COL16A1: variants seen among roughly 807,000 people sequenced by gnomAD.
COL16A1 encodes collagen type XVI alpha 1 chain.
COL16A1 carries 189 observed loss-of-function variants against 266.3 expected under a neutral mutation model. The ratio of observed to expected loss-of-function variants is 0.71; its 90% CI spans 0.63 to 0.80. The LOEUF (loss-of-function observed/expected upper bound fraction) is 0.80. Among genes scored for constraint, COL16A1 ranks in the 30% least tolerant of loss-of-function variants. The probability of loss-of-function intolerance (pLI) is 0.00; values close to 1 mark genes in which losing one functional copy is unlikely to be tolerated. For missense variants in COL16A1, 1,928 were observed against 2,122.4 expected (o/e 0.91, Z 1.80); for synonymous variants, 740 against 782.3 (o/e 0.95, Z 0.90).
At position 31,657,005 on chromosome 1, in the gene COL16A1, G is replaced by A. The variant is rs1191359103; in HGVS notation, c.4056+28C>T. ...GCGAGGAGCAAGAAGCACCCCCAAG[G>A]AAACAGAGAAGACCAGTACAACTGT... On this transcript the variant is annotated intron_variant, in intron 65 of 70. Coordinates refer to ENST00000373672, the MANE Select transcript of COL16A1 (RefSeq NM_001856.4). The surrounding 1 kb of genome is among the most constrained non-coding windows in gnomAD (Gnocchi z 6.4). 1 of 1,613,956 alleles carries A rather than the reference G, an allele frequency of 6.2e-7. No individual in the cohort carries two copies. Among genetic ancestry groups the A allele is most frequent in the East Asian group, 2.2e-5 (1 of 44,884 alleles).
intron 42 of COL16A1, among the ~76,000 whole-genome samples, chr1:31,675,797 A>G (rs1318909750): frequency 6.6e-6 from 1 of 152,092 alleles, no homozygotes; most frequent in Non-Finnish European, 1.5e-5. Flanking sequence ...AGTAGCTGGG[A>G]CTAGAGGCGC....
rs377375082 is a variant in COL16A1 at position 31,688,490 on chromosome 1, C to T, written c.1780G>A (p.Val594Ile). The T allele has an allele frequency of 1.2e-5, 20 of 1,613,962 alleles. No homozygotes were observed. Among genetic ancestry groups the T allele is most frequent in the Non-Finnish European group, 1.6e-5 (19 of 1,180,010 alleles). The stretch of plus-strand genomic sequence containing the variant: ...ACCTTCTCTCCTTTCAGCCCTGGAA[C>T]CCCAGCTCTACCCTGAAAAACAACC... ...GLPGLPGRAG[V>I]PGLKGEKGNF... is the part of the protein sequence containing the mutation. Residue 594 changes from valine (V) to isoleucine (I), a missense_variant, in exon 26 of 71, where the codon GTT (valine) becomes ATT (isoleucine). Physicochemically the swap from Val to Ile is conservative, Grantham distance 29. This residue lies in a region of COL16A1 where 1,552 missense variants were observed against 1,637.2 expected (regional missense o/e 0.95). Transcript: ENST00000373672. The surrounding 1 kb of genome is among the most constrained non-coding windows in gnomAD (Gnocchi z 4.9).
Position 31,668,324 on chromosome 1 carries a change from A to T in COL16A1, c.3250-106T>A, listed in dbSNP as rs988715024. ...AAAACCTCTGGGGCTGCCATCTAGCAGGTGCCAGCCTGCCCCAGCATTGCA... is the reference window on the plus strand; with the variant it reads ...AAAACCTCTGGGGCTGCCATCTAGCTGGTGCCAGCCTGCCCCAGCATTGCA... On this transcript the variant is annotated intron_variant, in intron 50 of 70. Transcript: ENST00000373672. The surrounding 1 kb of genome is among the most constrained non-coding windows in gnomAD (Gnocchi z 5.8). The T allele has an allele frequency of 4.9e-6, 6 of 1,231,700 alleles. No individual in the cohort carries two copies. In the Admixed American group the frequency reaches 1.1e-4, roughly 23 times the overall value. 76.3% of individuals were successfully genotyped at this position (1,231,700 alleles called of 1,614,324 possible). A position where few individuals can be genotyped will look rare whatever the true frequency, so the allele number is the denominator to read the frequency against.
In COL16A1 at chr1:31,702,198, G is replaced by C; in HGVS notation, c.-5C>G. 6.2e-7 allele frequency: 1 copy of C among 1,614,066 alleles called. No homozygotes were observed. The highest frequency in any genetic ancestry group is 8.5e-7 in the Non-Finnish European group (1 of 1,179,964). On this transcript the variant is annotated 5_prime_UTR_variant, in exon 2 of 71. Coordinates refer to ENST00000373672, the MANE Select transcript of COL16A1 (RefSeq NM_001856.4). ...AGGAGCCCAGGATACCCACATCCCG[G>C]TCCAAAGAGGTCAGCTACAGCCACA...
At chr1:31,673,130 G>T in intron 44 of COL16A1, 2 of 474,484 alleles carry the variant, frequency 4.2e-6, no homozygotes, top group Non-Finnish European at 7.9e-6. Context: ...CCCGCAGAGG[G>T]ACCATCTGTC....
intron 27 of COL16A1, 50 bp from the exon 28 acceptor site, chr1:31,686,185 C>A (rs1270739194): frequency 1.2e-6 from 2 of 1,614,042 alleles, no homozygotes; most frequent in Admixed American, 3.3e-5. Flanking sequence ...CAGGGCCATG[C>A]CTATCAGCCC....
intron 48 of COL16A1, among the ~76,000 whole-genome samples, chr1:31,671,175 A>G (rs1325814854): frequency 6.6e-6 from 1 of 152,216 alleles, no homozygotes; most frequent in East Asian, 1.9e-4. Context: ...GGCCCTACAG[A>G]GCAATGGAGG....
chr1:31,665,360 T>C, intron 55 of COL16A1, 126 bp from the exon 56 acceptor site: 1 of 1,451,890 alleles, frequency 6.9e-7, no homozygotes, highest in Non-Finnish European at 9.3e-7. Flanking sequence ...GAAGCACCAC[T>C]TGGGAGCATT....
chr1:31,675,092 A>G, intron 43 of COL16A1, 53 bp from the exon 44 acceptor site: 1 of 1,612,154 alleles, frequency 6.2e-7, no homozygotes, highest in Non-Finnish European at 8.5e-7. Context: ...GAACATGGAG[A>G]CTTATGGGAT....
At chr1:31,692,892 C>A in intron 13 of COL16A1, 84 bp from the exon 14 acceptor site, 1 of 1,330,014 alleles carries the variant, frequency 7.5e-7, no homozygotes, top group South Asian at 1.2e-5. Flanking sequence ...GGCCCGGGAA[C>A]CCCATAGTCC....
intron 61 of COL16A1, 134 bp from the exon 62 acceptor site, chr1:31,660,772 T>G (rs1641587210): frequency 1.5e-6 from 2 of 1,330,348 alleles, no homozygotes; most frequent in Admixed American, 4.8e-5. Context: ...ATTCCCAGCC[T>G]CCAGACCCAA....
intron 56 of COL16A1, 71 bp from the exon 57 acceptor site, chr1:31,662,729 AC>A (rs1317690906): frequency 2.9e-6 from 4 of 1,382,220 alleles, no homozygotes; most frequent in Non-Finnish European, 3.8e-6. Flanking sequence ...ACCCATGGAG[AC>A]CAGGCCCTGG....
chr1:31,690,449 C>T (rs1439988779), intron 21 of COL16A1, 56 bp from the exon 22 acceptor site: 2 of 1,614,114 alleles, frequency 1.2e-6, no homozygotes, highest in African/African-American at 2.7e-5. Flanking sequence ...GGTGTGCCAA[C>T]TGAGGGCCGG....
intron 69 of COL16A1, 47 bp from the exon 70 acceptor site, chr1:31,653,723 A>G (rs761433638): frequency 1.9e-6 from 3 of 1,595,906 alleles, no homozygotes; most frequent in Non-Finnish European, 2.6e-6. Context: ...CAGAAAAATG[A>G]CACAGCCAGT....
intron 33 of COL16A1, 24 bp downstream of exon 33, chr1:31,683,926 C>T: frequency 6.2e-7 from 1 of 1,614,060 alleles, no homozygotes; most frequent in Non-Finnish European, 8.5e-7. Flanking sequence ...AGCTACGGCC[C>T]AGGGCCCCAA....
intron 39 of COL16A1, 98 bp from the exon 40 acceptor site, chr1:31,680,199 C>A: frequency 6.6e-7 from 1 of 1,513,702 alleles, no homozygotes; most frequent in South Asian, 1.3e-5. Context: ...ATGGAGAGGC[C>A]AGGGTTTCAA....
At position 31,695,214 on chromosome 1, in the gene COL16A1, G is replaced by A; in HGVS notation, c.953C>T (p.Pro318Leu). The A allele has an allele frequency of 6.2e-7, 1 of 1,613,914 alleles. No individual in the cohort carries two copies. Among genetic ancestry groups the A allele is most frequent in the Non-Finnish European group, 8.5e-7 (1 of 1,179,990 alleles). ...GCTGTCCCGGGCACCATGGACACAGGGCGGACACTGAAAGGGAAGAGCAGG... is the reference window on the plus strand; with the variant it reads ...GCTGTCCCGGGCACCATGGACACAGAGCGGACACTGAAAGGGAAGAGCAGG... The part of the protein sequence containing the change: ...HQETAADECP[P>L]CVHGARDSNV... The change falls in exon 11 of 71, where the codon CCC (proline) becomes CTC (leucine). Residue 318 changes from proline to leucine, a missense_variant. Physicochemically the swap from Pro to Leu is moderately conservative, Grantham distance 98. Coordinates refer to ENST00000373672, the MANE Select transcript of COL16A1 (RefSeq NM_001856.4).
chr1:31,665,719 G>A, intron 54 of COL16A1, 101 bp from the exon 55 acceptor site: 1 of 1,591,666 alleles, frequency 6.3e-7, no homozygotes, highest in South Asian at 1.2e-5. Flanking sequence ...CAAACCCATG[G>A]GCTTTGCCCT....
At chr1:31,675,902 C>T (rs1643142695) in intron 42 of COL16A1, among the ~76,000 whole-genome samples, 2 of 152,188 alleles carry the variant, frequency 1.3e-5, no homozygotes, top group South Asian at 2.1e-4. Context: ...AGTGATCCTC[C>T]CCGCTCAGCC....
Sources: gnomAD v4.1 joint callset for allele counts (sites outside exome capture counted in the v4.1 genomes callset) on GRCh38, gnomAD v4.1.1 for gene constraint, gnomAD v4.1.1 regional missense constraint, Gnocchi (gnomAD v3.1) non-coding constraint, MANE v1.5 for transcripts, NCBI Gene and HGNC (gene_info 2026-07-23, HGNC 2026-07-21) for gene names.